Variants in TAFA2 observed in about 807,000 individuals in gnomAD.
TAFA2 encodes chemokine-like protein TAFA-2.
TAFA2 carries 7 observed loss-of-function variants against 18.8 expected under a neutral mutation model. The ratio of observed to expected loss-of-function variants is 0.37; its 90% CI spans 0.21 to 0.70. The LOEUF is 0.70. TAFA2 is among the 30% of genes least tolerant of loss of function. The pLI is 0.53. For missense variants in TAFA2, 122 were observed against 158.1 expected, an observed-to-expected ratio of 0.77 and a Z score of 1.23; for synonymous variants, 60 against 54.2, an observed-to-expected ratio of 1.11 and a Z score of -0.47.
intron 1 of TAFA2, among the ~76,000 whole-genome samples, chr12:62,042,430 CGCGTGT>C (rs1433441398): frequency 0.038 from 3,615 of 94,610 alleles, 144 homozygotes; most frequent in African/African-American, 0.11. Context: ...TGTGTGTGTG[CGCGTGT>C]GTGTGTGTGT....
intron 1 of TAFA2, among the ~76,000 whole-genome samples, chr12:62,208,301 T>A (rs2062700342): frequency 6.6e-6 from 1 of 151,954 alleles, no homozygotes; most frequent in South Asian, 2.1e-4. Context: ...TAAAAGATAG[T>A]GGCCTAAGAC....
chr12:61,938,137 A>G (rs1877847351), intron 1 of TAFA2, among the ~76,000 whole-genome samples: 1 of 152,030 alleles, frequency 6.6e-6, no homozygotes, highest in Non-Finnish European at 1.5e-5. Flanking sequence ...CCATTATTGC[A>G]AAGATAAAAT....
chr12:62,108,150 C>T (rs909246565), intron 1 of TAFA2, among the ~76,000 whole-genome samples: 1 of 152,094 alleles, frequency 6.6e-6, no homozygotes, highest in East Asian at 1.9e-4. Flanking sequence ...CCCCCACCCC[C>T]CAACAGGCCC....
At chr12:61,772,546 G>A (rs755312837) in intron 2 of TAFA2, among the ~76,000 whole-genome samples, 5 of 151,812 alleles carry the variant, frequency 3.3e-5, no homozygotes, top group African/African-American at 7.3e-5. Flanking sequence ...AGGGATGCAG[G>A]GATGGTTTAA....
intron 1 of TAFA2, among the ~76,000 whole-genome samples, chr12:62,068,609 C>T (rs1055300207): frequency 1.3e-5 from 2 of 152,042 alleles, no homozygotes; most frequent in Admixed American, 1.3e-4. Flanking sequence ...ATCAGAGGGG[C>T]TCACATTCTA....
chr12:61,948,853 G>A (rs1878369882), intron 1 of TAFA2, among the ~76,000 whole-genome samples: 1 of 152,166 alleles, frequency 6.6e-6, no homozygotes, highest in South Asian at 2.1e-4. Flanking sequence ...CATAGTGTGA[G>A]CTAAGCAGAA....
At chr12:61,986,748 T>C (rs1405733227) in intron 1 of TAFA2, among the ~76,000 whole-genome samples, 1 of 152,176 alleles carries the variant, frequency 6.6e-6, no homozygotes, top group Non-Finnish European at 1.5e-5. Flanking sequence ...CAAAAGGTAT[T>C]ATATGGAATT....
chr12:61,898,099 A>G (rs1875933737), intron 1 of TAFA2, among the ~76,000 whole-genome samples: 1 of 152,232 alleles, frequency 6.6e-6, no homozygotes, highest in South Asian at 2.1e-4. Context: ...TCTTCTAACC[A>G]TGTCTCACAT....
At chr12:62,221,245 G>GGAAA (rs2062761227) in intron 1 of TAFA2, among the ~76,000 whole-genome samples, 1 of 149,282 alleles carries the variant, frequency 6.7e-6, no homozygotes, top group South Asian at 2.1e-4. Flanking sequence ...AAGGAAGGAA[G>GGAAA]GAAGGAAGGA....
chr12:61,962,772 TA>T (rs1309723903), intron 1 of TAFA2, among the ~76,000 whole-genome samples: 1 of 152,034 alleles, frequency 6.6e-6, no homozygotes, highest in East Asian at 1.9e-4. Context: ...TATTGTACTT[TA>T]AGTTCTGGGG....
rs77398417 is a variant in TAFA2 at position 62,024,136 on chromosome 12, C to G, written c.-1-156710G>C. On this transcript the variant is annotated intron_variant, in intron 1 of 4. Transcript: ENST00000416284. ...CATCAGGCAGATTTCTTTCCCCTCTCATCCCAACAAAATCTGGTATTCAGG... is the reference window on the plus strand; with the variant it reads ...CATCAGGCAGATTTCTTTCCCCTCTGATCCCAACAAAATCTGGTATTCAGG... Among the ~76,000 whole-genome samples the G allele has an allele frequency of 5.3e-5, 8 of 152,248 alleles. No individual in the cohort carries two copies. In the East Asian group the frequency reaches 1.5e-3, roughly 29 times the overall value.
At chr12:62,081,934 T>C (rs1212005948) in intron 1 of TAFA2, among the ~76,000 whole-genome samples, 2 of 151,978 alleles carry the variant, frequency 1.3e-5, no homozygotes, top group African/African-American at 2.4e-5. Flanking sequence ...TTCCTGATGC[T>C]CTCCCTCCCC....
chr12:62,105,128 A>AATTACAC lies in TAFA2; in HGVS notation c.-2+86130_-2+86131insGTGTAAT, dbSNP rs1356271710. On this transcript the variant is annotated intron_variant, in intron 1 of 4. Transcript: ENST00000416284. The stretch of plus-strand genomic sequence containing the variant: ...CAACTTTTATTTGTCCTTACACCAT[A>AATTACAC]CAGGTTTGGTGTGATTACCATAATG... Among the ~76,000 whole-genome samples the AATTACAC allele has an allele frequency of 3.9e-5, 6 of 152,272 alleles. No individual in the cohort carries two copies. The South Asian group carries it at 1.2e-3, about 32-fold the overall frequency.
chr12:61,894,555 C>G (rs754284269), intron 1 of TAFA2, among the ~76,000 whole-genome samples: 68 of 152,178 alleles, frequency 4.5e-4, no homozygotes, highest in Non-Finnish European at 7.1e-4. Context: ...GATATAGTAT[C>G]TTTAAAACAT....
intron 1 of TAFA2, among the ~76,000 whole-genome samples, chr12:62,025,234 T>C (rs916729365): frequency 5.3e-5 from 8 of 151,934 alleles, no homozygotes; most frequent in African/African-American, 1.9e-4. Flanking sequence ...ATGGCAACAA[T>C]AGAAACTGGG....
At chr12:61,888,725 G>T (rs1875499081) in intron 1 of TAFA2, among the ~76,000 whole-genome samples, 1 of 152,198 alleles carries the variant, frequency 6.6e-6, no homozygotes, top group African/African-American at 2.4e-5. Flanking sequence ...AGGCAAAAAG[G>T]TGTGAACACA....
intron 1 of TAFA2, among the ~76,000 whole-genome samples, chr12:62,181,290 T>G (rs1318703852): frequency 1.3e-5 from 2 of 152,242 alleles, no homozygotes; most frequent in African/African-American, 4.8e-5. Context: ...ATGTAACTAC[T>G]GATCCCATCT....
chr12:61,896,108 G>T (rs1040709083), intron 1 of TAFA2, among the ~76,000 whole-genome samples: 1 of 152,090 alleles, frequency 6.6e-6, no homozygotes. Context: ...CTACCAAAGG[G>T]TGATGGGTCA....
At chr12:61,799,699 G>A (rs1270845686) in intron 2 of TAFA2, among the ~76,000 whole-genome samples, 3 of 152,114 alleles carry the variant, frequency 2.0e-5, no homozygotes, top group African/African-American at 7.2e-5. Context: ...GCTGGCGCCT[G>A]TAGTCCCAGC....
Sources: allele counts gnomAD v4.1 joint callset (sites outside exome capture counted in the v4.1 genomes callset), GRCh38; gene constraint gnomAD v4.1.1; transcripts MANE v1.5; gene names NCBI Gene and HGNC (gene_info 2026-07-23, HGNC 2026-07-21).